Variants in PPP3CA observed in about 807,000 individuals in gnomAD.
The protein encoded by PPP3CA is CAM-PRP catalytic subunit.
A neutral mutation model predicts 66.5 loss-of-function variants in PPP3CA; 14 were observed. The observed-to-expected ratio is 0.21, with a 90% CI of 0.14 to 0.33. The LOEUF is 0.33. Among genes scored for constraint, PPP3CA ranks in the 10% least tolerant of loss-of-function variants. The pLI is 1.00. For synonymous variants in PPP3CA, 232 were observed against 226.2 expected (o/e 1.03, Z -0.23); for missense variants, 317 against 639.5 (o/e 0.50, Z 5.44).
intron 1 of PPP3CA, among the ~76,000 whole-genome samples, chr4:101,211,244 T>G (rs1168108694): frequency 6.6e-6 from 1 of 152,154 alleles, no homozygotes; most frequent in Non-Finnish European, 1.5e-5. Flanking sequence ...GATAAGTGAC[T>G]CATCCAATGA....
chr4:101,091,366 G>C (rs1729932129), intron 6 of PPP3CA, among the ~76,000 whole-genome samples: 1 of 151,942 alleles, frequency 6.6e-6, no homozygotes, highest in South Asian at 2.1e-4. Flanking sequence ...ATAAATTTTA[G>C]CCTTTTCAGA....
intron 2 of PPP3CA, among the ~76,000 whole-genome samples, chr4:101,190,220 T>C (rs1374192554): frequency 6.6e-6 from 1 of 152,122 alleles, no homozygotes; most frequent in Non-Finnish European, 1.5e-5. Flanking sequence ...TAATATATTT[T>C]AGCCTTCTCC....
chr4:101,057,602 C>G (rs1728281511), intron 10 of PPP3CA, among the ~76,000 whole-genome samples: 1 of 152,104 alleles, frequency 6.6e-6, no homozygotes, highest in African/African-American at 2.4e-5. Flanking sequence ...CTAATGCTGG[C>G]CCGGCAGTTT....
intron 2 of PPP3CA, among the ~76,000 whole-genome samples, chr4:101,172,950 T>C (rs1723933097): frequency 6.6e-6 from 1 of 152,232 alleles, no homozygotes; most frequent in Non-Finnish European, 1.5e-5. Flanking sequence ...ACATTAGATT[T>C]GTTTGCACTG....
At chr4:101,184,616 TTTC>T in intron 2 of PPP3CA, among the ~76,000 whole-genome samples, 2 of 152,226 alleles carry the variant, frequency 1.3e-5, no homozygotes, top group Non-Finnish European at 2.9e-5. Context: ...ATTTCACCTG[TTTC>T]TTTTAAAATT....
At chr4:101,090,921 C>G (rs867019815) in intron 6 of PPP3CA, among the ~76,000 whole-genome samples, 3 of 97,628 alleles carry the variant, frequency 3.1e-5, no homozygotes, top group African/African-American at 1.7e-4. Context: ...TTATAATATA[C>G]ACACATATCT....
chr4:101,101,066 TAAAC>T (rs1243161813), intron 3 of PPP3CA, among the ~76,000 whole-genome samples: 4 of 152,162 alleles, frequency 2.6e-5, no homozygotes, highest in African/African-American at 4.8e-5. Context: ...ATGATTGAAA[TAAAC>T]AATAGGTTGA....
intron 10 of PPP3CA, among the ~76,000 whole-genome samples, chr4:101,051,368 C>G (rs933357597): frequency 6.6e-6 from 1 of 152,124 alleles, no homozygotes; most frequent in Non-Finnish European, 1.5e-5. Context: ...ACTCACAACT[C>G]TCTTGCAGTT....
intron 1 of PPP3CA, among the ~76,000 whole-genome samples, chr4:101,280,404 A>G (rs534090115): frequency 3.6e-4 from 55 of 152,290 alleles, no homozygotes; most frequent in African/African-American, 1.3e-3. Flanking sequence ...CTCAGAAAGA[A>G]CAAGGGAAAG....
intron 1 of PPP3CA, among the ~76,000 whole-genome samples, chr4:101,207,721 G>A (rs1045941669): frequency 4.6e-5 from 7 of 152,130 alleles, no homozygotes; most frequent in African/African-American, 1.7e-4. Context: ...AGCTACTTGG[G>A]AGGCTGAGGC....
In PPP3CA at chr4:101,088,817, C is replaced by A. The variant is rs182298678; in HGVS notation, c.782+4959G>T. ...ACTAAAAATAAAGGTCTTGAATTCA[C>A]AGTGGGAAAGAGGAAAGGCAGCATG... On this transcript the variant is annotated intron_variant, in intron 6 of 13. Transcript: ENST00000394854. 2.6e-5 allele frequency among the ~76,000 whole-genome samples: 4 copies of A among 151,984 alleles called. No homozygotes were observed. The East Asian group carries it at 7.8e-4, about 29-fold the overall frequency.
chr4:101,281,729 A>C (rs895149682), intron 1 of PPP3CA, among the ~76,000 whole-genome samples: 3 of 152,234 alleles, frequency 2.0e-5, no homozygotes, highest in Non-Finnish European at 4.4e-5. Flanking sequence ...GAAAGTGGTT[A>C]AACAGCATTC....
At chr4:101,179,508 C>T (rs1220734988) in intron 2 of PPP3CA, among the ~76,000 whole-genome samples, 2 of 152,086 alleles carry the variant, frequency 1.3e-5, no homozygotes, top group African/African-American at 4.8e-5. Context: ...AGACATGATC[C>T]TGGCTGCAGA....
chr4:101,204,827 T>A (rs1441171250), intron 1 of PPP3CA, among the ~76,000 whole-genome samples: 1 of 151,676 alleles, frequency 6.6e-6, no homozygotes, highest in Non-Finnish European at 1.5e-5. Flanking sequence ...AATTTATATG[T>A]TTAAGTCAAA....
chr4:101,295,716 C>T (rs1455831513), intron 1 of PPP3CA, among the ~76,000 whole-genome samples: 2 of 152,216 alleles, frequency 1.3e-5, no homozygotes, highest in Non-Finnish European at 2.9e-5. Context: ...AGATGATTAG[C>T]AAACTTACAA....
intron 10 of PPP3CA, among the ~76,000 whole-genome samples, chr4:101,043,475 T>C (rs542764014): frequency 6.6e-6 from 1 of 151,756 alleles, no homozygotes; most frequent in African/African-American, 2.4e-5. Flanking sequence ...AGAGAGCATA[T>C]AAAAGATATT....
chr4:101,228,637 C>CA (rs1164257128), intron 1 of PPP3CA, among the ~76,000 whole-genome samples: 9 of 151,280 alleles, frequency 5.9e-5, no homozygotes, highest in African/African-American at 1.9e-4. Flanking sequence ...TCTTTCCTGC[C>CA]AAAAAAATAA....
chr4:101,181,039 A>T (rs1724220549), intron 2 of PPP3CA, among the ~76,000 whole-genome samples: 1 of 152,116 alleles, frequency 6.6e-6, no homozygotes, highest in Admixed American at 6.6e-5. Flanking sequence ...TGACAAAGCA[A>T]GACCCTGTCT....
intron 1 of PPP3CA, among the ~76,000 whole-genome samples, chr4:101,241,031 CTAATTTT>C (rs1320365039): frequency 3.9e-5 from 6 of 152,078 alleles, no homozygotes; most frequent in African/African-American, 1.4e-4. Context: ...CCACAGCTGG[CTAATTTT>C]TAATTTTTTG....
Sources: allele counts gnomAD v4.1 joint callset (sites outside exome capture counted in the v4.1 genomes callset), GRCh38; gene constraint gnomAD v4.1.1; transcripts MANE v1.5; gene names NCBI Gene and HGNC (gene_info 2026-07-23, HGNC 2026-07-21).